The following PKHD1 variants were observed in gnomAD, a reference collection of about 807,000 sequenced individuals.
The protein encoded by PKHD1 is PKHD1 ciliary IPT domain containing fibrocystin/polyductin.
A neutral mutation model predicts 412.0 loss-of-function variants in PKHD1; 291 were observed. That is an observed-to-expected ratio of 0.71 (90% confidence interval 0.64 to 0.78). The LOEUF is 0.78. Among genes scored for constraint, PKHD1 ranks in the 30% least tolerant of loss-of-function variants. The pLI is 0.00. For missense variants in PKHD1, 4,825 were observed against 4,950.7 expected (o/e 0.97, Z 0.76); for synonymous variants, 1,777 against 1,821.5 (o/e 0.98, Z 0.62).
intron 53 of PKHD1, among the ~76,000 whole-genome samples, chr6:51,785,107 A>C (rs9357709): frequency 0.59 from 89,030 of 152,026 alleles, 26,843 homozygotes; most frequent in East Asian, 0.83. Context: ...TATTCAAATG[A>C]CAGAAAGAAT....
In PKHD1 at chr6:51,754,976, G is replaced by C. The variant is rs1327267548; in HGVS notation, c.8643-38C>G. Reference sequence around the variant, plus strand: ...AACAATGGCATTGGATATACTAACAGTGCAGCACAAATCATCTATTAACTC... The same window carrying C: ...AACAATGGCATTGGATATACTAACACTGCAGCACAAATCATCTATTAACTC... On this transcript the variant is annotated intron_variant, in intron 55 of 66. Coordinates refer to ENST00000371117, the MANE Select transcript of PKHD1 (RefSeq NM_138694.4). 1.9e-6 allele frequency: 3 copies of C among 1,547,452 alleles called. No homozygotes were observed. The South Asian group carries it at 3.3e-5, about 17-fold the overall frequency.
chr6:51,934,245 G>A lies in PKHD1; in HGVS notation c.5986C>T (p.Leu1996Phe), dbSNP rs1241270364. The part of the protein sequence containing the change: ...HAILVSDGGE[L>F]RIGSEDKPFQ... ...GGCTTGTCTTCGGATCCAATCCGGA[G>A]CTCTCCACCATCAGAAACAAGGATG... The change falls in exon 37 of 67, where the codon CTC becomes TTC. Residue 1996 changes from leucine to phenylalanine, a missense_variant. By Grantham distance (22) the Leu-to-Phe change is conservative (BLOSUM62 0). Coordinates refer to ENST00000371117, the MANE Select transcript of PKHD1 (RefSeq NM_138694.4). The A allele has an allele frequency of 6.2e-7, 1 of 1,613,826 alleles. No individual in the cohort carries two copies. Among genetic ancestry groups the A allele is most frequent in the South Asian group, 1.1e-5 (1 of 91,070 alleles).
chr6:51,821,295 G>C (rs1766380007), intron 52 of PKHD1, among the ~76,000 whole-genome samples: 1 of 152,144 alleles, frequency 6.6e-6, no homozygotes, highest in Admixed American at 6.5e-5. Flanking sequence ...TGATTTCTTA[G>C]TAGGGTGACC....
At chr6:51,637,662 T>C (rs893669388) in intron 64 of PKHD1, among the ~76,000 whole-genome samples, 1 of 151,684 alleles carries the variant, frequency 6.6e-6, no homozygotes, top group Admixed American at 6.6e-5. Context: ...TCCCAGCACT[T>C]AGGGAGGCTG....
At chr6:51,956,208 T>G (rs1241157753) in intron 36 of PKHD1, among the ~76,000 whole-genome samples, 1 of 152,044 alleles carries the variant, frequency 6.6e-6, no homozygotes, top group African/African-American at 2.4e-5. Flanking sequence ...CATCATAATA[T>G]GCAAATATAT....
At chr6:51,660,649 G>GT (rs911935921) in intron 60 of PKHD1, among the ~76,000 whole-genome samples, 1 of 152,232 alleles carries the variant, frequency 6.6e-6, no homozygotes, top group South Asian at 2.1e-4. Flanking sequence ...ATTTACTTAT[G>GT]TTTTTTCATT....
chr6:51,623,584 T>G (rs1047148281), intron 66 of PKHD1, among the ~76,000 whole-genome samples: 4 of 144,894 alleles, frequency 2.8e-5, no homozygotes, highest in African/African-American at 1.1e-4. Context: ...TTTATTTATC[T>G]ATTTTTTTTA....
Position 51,906,103 on chromosome 6 carries a change from T to C in PKHD1, c.6808+112A>G, listed in dbSNP as rs1782035850. On this transcript the variant is annotated intron_variant, in intron 41 of 66. Transcript: ENST00000371117. ...TTTTACTGTAGCCCATTTCTAGTGA[T>C]CATAAAGCCAATATTTTTATAAATT... 6.7e-6 allele frequency: 6 copies of C among 895,898 alleles called. No homozygotes were observed. In the East Asian group the frequency reaches 1.5e-4, roughly 23 times the overall value. The allele number at this position is 895,898 out of a possible 1,614,324, so 55.5% of individuals were successfully genotyped here. A position where few individuals can be genotyped will look rare whatever the true frequency, so the allele number is the denominator to read the frequency against.
intron 60 of PKHD1, chr6:51,721,668 G>A: frequency 8.2e-7 from 1 of 1,220,514 alleles, no homozygotes; most frequent in Non-Finnish European, 1.0e-6. Flanking sequence ...CCCCATATCT[G>A]CTACTGGAAC....
chr6:51,986,820 G>A (rs1037426114), intron 35 of PKHD1, among the ~76,000 whole-genome samples: 1 of 152,076 alleles, frequency 6.6e-6, no homozygotes, highest in Admixed American at 6.6e-5. Context: ...ATATGACACC[G>A]CCAGGAGTTT....
At chr6:51,744,363 A>G (rs369749593) in intron 60 of PKHD1, 22 bp downstream of exon 60, 1 of 1,609,170 alleles carries the variant, frequency 6.2e-7, no homozygotes, top group African/African-American at 1.3e-5. Flanking sequence ...TACCACAGGC[A>G]TTGCATTCAG....
chr6:51,814,453 A>G (rs773398505), intron 52 of PKHD1, among the ~76,000 whole-genome samples: 3 of 152,222 alleles, frequency 2.0e-5, no homozygotes, highest in Non-Finnish European at 4.4e-5. Context: ...AAAACAAACA[A>G]AAACAGGTGC....
chr6:51,784,480 C>T lies in PKHD1; in HGVS notation c.8440+6756G>A, dbSNP rs540315708. The stretch of plus-strand genomic sequence containing the variant: ...GATTTGCAACATCACAGTTATGAAT[C>T]TTCTATTGGGGAATTTTCCAGAAAT... On this transcript the variant is annotated intron_variant, in intron 53 of 66. Coordinates refer to ENST00000371117, the MANE Select transcript of PKHD1 (RefSeq NM_138694.4). 9.9e-5 allele frequency among the ~76,000 whole-genome samples: 15 copies of T among 152,248 alleles called. 1 individual carries two copies. The South Asian group carries it at 3.1e-3, about 32-fold the overall frequency.
chr6:51,905,788 A>G (rs1024795027), intron 41 of PKHD1, among the ~76,000 whole-genome samples: 1 of 152,172 alleles, frequency 6.6e-6, no homozygotes, highest in Non-Finnish European at 1.5e-5. Flanking sequence ...AGAGTTGATC[A>G]GTTGAAGATT....
intron 19 of PKHD1, among the ~76,000 whole-genome samples, chr6:52,055,307 C>T (rs1430118119): frequency 6.6e-6 from 1 of 152,222 alleles, no homozygotes; most frequent in African/African-American, 2.4e-5. Flanking sequence ...ATGACACAGT[C>T]TGTACTCTTA....
chr6:52,008,249 C>T (rs560365769), intron 35 of PKHD1, among the ~76,000 whole-genome samples: 1 of 152,142 alleles, frequency 6.6e-6, no homozygotes, highest in African/African-American at 2.4e-5. Context: ...TATCAACCAC[C>T]CCTCATTATG....
intron 52 of PKHD1, among the ~76,000 whole-genome samples, chr6:51,825,580 G>T (rs1767163376): frequency 6.6e-6 from 1 of 152,098 alleles, no homozygotes; most frequent in Non-Finnish European, 1.5e-5. Flanking sequence ...GCATCTAAAG[G>T]CAGCCAAGGT....
chr6:51,730,535 A>G (rs1364421545), intron 60 of PKHD1, among the ~76,000 whole-genome samples: 1 of 152,224 alleles, frequency 6.6e-6, no homozygotes, highest in African/African-American at 2.4e-5. Flanking sequence ...TCCGACTTTT[A>G]GAAGTTTATT....
intron 48 of PKHD1, among the ~76,000 whole-genome samples, chr6:51,864,241 G>A (rs1774674897): frequency 6.6e-6 from 1 of 152,178 alleles, no homozygotes; most frequent in Non-Finnish European, 1.5e-5. Flanking sequence ...GCAGGACACG[G>A]AAGCTCCATG....
Sources: allele counts gnomAD v4.1 joint callset (sites outside exome capture counted in the v4.1 genomes callset), GRCh38; gene constraint gnomAD v4.1.1; transcripts MANE v1.5; gene names NCBI Gene and HGNC (gene_info 2026-07-23, HGNC 2026-07-21).